The following DNER variants were observed in gnomAD, a reference collection of about 807,000 sequenced individuals.
The protein encoded by DNER is delta and Notch-like epidermal growth factor-related receptor.
A neutral mutation model predicts 78.2 loss-of-function variants in DNER; 33 were observed. The ratio of observed to expected loss-of-function variants is 0.42; its 90% CI spans 0.32 to 0.56. DNER has a LOEUF of 0.56. Ranked by LOEUF, DNER falls within the 20% of genes least tolerant of loss-of-function variation. DNER has a pLI of 0.11. For synonymous variants in DNER, 417 were observed against 384.8 expected (o/e 1.08, Z -0.98); for missense variants, 918 against 975.3 (o/e 0.94, Z 0.78).
chr2:229,568,042 A>G (rs1697144193), intron 4 of DNER, among the ~76,000 whole-genome samples: 1 of 152,198 alleles, frequency 6.6e-6, no homozygotes. Flanking sequence ...TCACAGCATA[A>G]AAGACGGATG....
chr2:229,563,130 T>TCCCATCACCATCATCATCCTCCTCAC (rs1696996328), intron 4 of DNER, among the ~76,000 whole-genome samples: 1 of 72,502 alleles, frequency 1.4e-5, no homozygotes. Flanking sequence ...CTCCTCCTCA[T>TCCCATCACCATCATCATCCTCCTCAC]CCCATCACCA....
intron 10 of DNER, among the ~76,000 whole-genome samples, chr2:229,406,017 C>T (rs955031517): frequency 2.6e-5 from 4 of 152,074 alleles, no homozygotes; most frequent in Non-Finnish European, 4.4e-5. Flanking sequence ...CTTCTCAGTC[C>T]CAAGAAAAGC....
At chr2:229,542,586 C>G (rs1447932627) in intron 5 of DNER, among the ~76,000 whole-genome samples, 1 of 151,982 alleles carries the variant, frequency 6.6e-6, no homozygotes, top group East Asian at 1.9e-4. Context: ...AAATACAGTT[C>G]TATTTGTTTT....
chr2:229,693,399 T>C (rs1344521903), intron 1 of DNER, among the ~76,000 whole-genome samples: 2 of 152,044 alleles, frequency 1.3e-5, no homozygotes, highest in Non-Finnish European at 2.9e-5. Context: ...TAGAGTAAAC[T>C]GGTACCACAG....
At chr2:229,515,096 T>G (rs1447162236) in intron 5 of DNER, among the ~76,000 whole-genome samples, 2 of 152,230 alleles carry the variant, frequency 1.3e-5, no homozygotes, top group Non-Finnish European at 2.9e-5. Flanking sequence ...CTCACTTCTT[T>G]GTGGTAAATG....
intron 10 of DNER, among the ~76,000 whole-genome samples, chr2:229,403,202 A>G (rs1335098840): frequency 1.3e-5 from 2 of 152,216 alleles, no homozygotes; most frequent in East Asian, 3.9e-4. Context: ...CCTCAGGTAC[A>G]ATGAAAGAGT....
chr2:229,691,825 T>C (rs1329407867), intron 1 of DNER, among the ~76,000 whole-genome samples: 1 of 152,090 alleles, frequency 6.6e-6, no homozygotes, highest in East Asian at 1.9e-4. Context: ...CAGCAGAATC[T>C]AACCCCTCAG....
rs186652324 is a variant in DNER, at chr2:229,664,007, G to A, written c.276+50141C>T. ...CAGGATGAATCTGACATTCCAAAAA[G>A]GCCTTGAAATTAACTAACCTGGTCC... On this transcript the variant is annotated intron_variant, in intron 1 of 12. Transcript: ENST00000341772. Among the ~76,000 whole-genome samples, 150 of 152,196 alleles carry A rather than the reference G, an allele frequency of 9.9e-4. 1 individual carries two copies. Among genetic ancestry groups the A allele is most frequent in the Non-Finnish European group, 7.4e-5 (5 of 68,022 alleles).
intron 7 of DNER, among the ~76,000 whole-genome samples, chr2:229,472,915 T>C (rs1461773932): frequency 1.3e-5 from 2 of 152,190 alleles, no homozygotes; most frequent in African/African-American, 4.8e-5. Context: ...AGGGCAGACG[T>C]GTCCTGAAGG....
intron 1 of DNER, among the ~76,000 whole-genome samples, chr2:229,652,973 A>G (rs1279321330): frequency 2.0e-5 from 3 of 152,078 alleles, no homozygotes; most frequent in African/African-American, 7.2e-5. Flanking sequence ...TGCTCACACA[A>G]AATCTTTCTT....
intron 11 of DNER, among the ~76,000 whole-genome samples, chr2:229,384,049 T>C (rs1692806353): frequency 6.6e-6 from 1 of 152,170 alleles, no homozygotes; most frequent in African/African-American, 2.4e-5. Flanking sequence ...ATGGAAATCA[T>C]AAGAAACAGT....
chr2:229,554,827 C>T (rs1696818722), intron 4 of DNER, among the ~76,000 whole-genome samples: 1 of 149,096 alleles, frequency 6.7e-6, no homozygotes, highest in African/African-American at 2.5e-5. Flanking sequence ...TGCACTCCAG[C>T]CTGGGTGACA....
rs781697112 is a variant in DNER at position 229,447,298 on chromosome 2, T to A, written c.1486+18A>T. ...AGATTGAGAAAAGGAAGATGTACTG[T>A]GTAGGGGCGGTACCCACCTGGATCA... On this transcript the variant is annotated intron_variant, in intron 8 of 12. Transcript: ENST00000341772. 1 of 1,576,072 alleles carries A rather than the reference T, an allele frequency of 6.3e-7. No individual in the cohort carries two copies. The highest frequency in any genetic ancestry group is 8.6e-7 in the Non-Finnish European group (1 of 1,159,800).
At chr2:229,435,035 C>G (rs1408720617) in intron 8 of DNER, among the ~76,000 whole-genome samples, 1 of 151,880 alleles carries the variant, frequency 6.6e-6, no homozygotes, top group Non-Finnish European at 1.5e-5. Flanking sequence ...AAAATAGCTA[C>G]AAGTTCTGTG....
At chr2:229,451,577 A>G (rs781634875) in intron 7 of DNER, among the ~76,000 whole-genome samples, 12 of 152,258 alleles carry the variant, frequency 7.9e-5, no homozygotes, top group Non-Finnish European at 1.8e-4. Flanking sequence ...CTATTATAGT[A>G]GGATGTAAGA....
Position 229,697,592 on chromosome 2 carries a change from C to T in DNER, c.276+16556G>A, listed in dbSNP as rs182780509. Among the ~76,000 whole-genome samples the T allele has an allele frequency of 4.6e-5, 7 of 152,288 alleles. No homozygotes were observed. In the East Asian group the frequency reaches 7.7e-4, roughly 17 times the overall value. On this transcript the variant is annotated intron_variant, in intron 1 of 12. Coordinates refer to ENST00000341772, the MANE Select transcript of DNER (RefSeq NM_139072.4). ...TATGGGATGATGAGACACCACAGGA[C>T]GTTTCAAGACTCTTTATTAACTGTC...
chr2:229,530,150 C>T (rs746013138), intron 5 of DNER, among the ~76,000 whole-genome samples: 6 of 152,030 alleles, frequency 3.9e-5, no homozygotes, highest in Non-Finnish European at 7.4e-5. Flanking sequence ...TAGATATAGA[C>T]CTAAACACAC....
At chr2:229,367,823 C>A (rs1288550147) in intron 11 of DNER, among the ~76,000 whole-genome samples, 1 of 152,190 alleles carries the variant, frequency 6.6e-6, no homozygotes, top group Non-Finnish European at 1.5e-5. Context: ...TACTAATTAG[C>A]ATATGCTCTG....
intron 1 of DNER, among the ~76,000 whole-genome samples, chr2:229,629,388 T>C (rs2154215693): frequency 6.6e-6 from 1 of 152,350 alleles, no homozygotes; most frequent in South Asian, 2.1e-4. Flanking sequence ...CTTTACATTT[T>C]ACTAAGGAGG....
Sources: gnomAD v4.1 joint callset for allele counts (sites outside exome capture counted in the v4.1 genomes callset) on GRCh38, gnomAD v4.1.1 for gene constraint, MANE v1.5 for transcripts, NCBI Gene and HGNC (gene_info 2026-07-23, HGNC 2026-07-21) for gene names.